Variants in PSD3 observed in about 807,000 individuals in gnomAD.
PSD3 encodes pleckstrin and Sec7 domain containing 3.
PSD3 carries 49 observed loss-of-function variants against 105.5 expected under a neutral mutation model. The ratio of observed to expected loss-of-function variants is 0.46; its 90% confidence interval spans 0.37 to 0.59. PSD3 has a LOEUF of 0.59. PSD3 is among the 20% of genes least tolerant of loss of function. PSD3 has a pLI of 0.00. For synonymous variants in PSD3, 557 were observed against 457.8 expected, an observed-to-expected ratio of 1.22 and a Z score of -2.77; for missense variants, 1,561 against 1,263.8, an observed-to-expected ratio of 1.24 and a Z score of -3.57.
intron 15 of PSD3, among the ~76,000 whole-genome samples, chr8:18,542,142 G>C (rs1800188999): frequency 6.6e-6 from 1 of 152,158 alleles, no homozygotes; most frequent in Admixed American, 6.5e-5. Context: ...GACCACTGTA[G>C]GTGGACTCCA....
At chr8:18,737,353 G>T (rs977844740) in intron 9 of PSD3, among the ~76,000 whole-genome samples, 2 of 152,162 alleles carry the variant, frequency 1.3e-5, no homozygotes, top group Admixed American at 6.5e-5. Flanking sequence ...GTGTGACGGG[G>T]TCTTACTCTG....
intron 1 of PSD3, among the ~76,000 whole-genome samples, chr8:18,982,167 A>C (rs1488023763): frequency 6.6e-6 from 1 of 152,190 alleles, no homozygotes; most frequent in Non-Finnish European, 1.5e-5. Context: ...CCATCTCAAG[A>C]AACCACTTTG....
intron 11 of PSD3, among the ~76,000 whole-genome samples, chr8:18,613,905 C>A (rs1307799602): frequency 6.6e-6 from 1 of 152,220 alleles, no homozygotes; most frequent in African/African-American, 2.4e-5. Flanking sequence ...GAACTATGGA[C>A]TTGTGCTAAG....
chr8:18,775,096 G>A (rs891978558), intron 8 of PSD3, among the ~76,000 whole-genome samples: 2 of 152,070 alleles, frequency 1.3e-5, no homozygotes, highest in African/African-American at 2.4e-5. Context: ...CCAAGTTTGA[G>A]AAAGAACATG....
At chr8:18,796,167 TCCC>T (rs35675493) in intron 8 of PSD3, among the ~76,000 whole-genome samples, 50,522 of 151,850 alleles carry the variant, frequency 0.33, 10,433 homozygotes, top group Non-Finnish European at 0.46. Flanking sequence ...TACTGAATTC[TCCC>T]CCCAAATATT....
chr8:18,529,943 A>AT lies in PSD3; in HGVS notation c.*5799dup, dbSNP rs1395435365. 1.3e-5 allele frequency: 2 copies of AT among 152,348 alleles called. No homozygotes were observed. Among genetic ancestry groups the AT allele is most frequent in the African/African-American group, 4.8e-5 (2 of 41,462 alleles). The allele number at this position is 152,348 out of a possible 1,614,324, so 9.4% of individuals were successfully genotyped here. A position where few individuals can be genotyped will look rare whatever the true frequency, so the allele number is the denominator to read the frequency against. On this transcript the variant is annotated 3_prime_UTR_variant, in exon 16 of 16. Transcript: ENST00000327040. Reference sequence around the variant, plus strand: ...TCAAGAACCAATTAGGAAAAATGATATATTTGCAAAAATAGTTTGAGACTA... The same window carrying AT: ...TCAAGAACCAATTAGGAAAAATGATATTATTTGCAAAAATAGTTTGAGACTA...
chr8:18,970,344 A>AAAAAAAAAAAAAAAAAAAG (rs1563474672), intron 1 of PSD3, among the ~76,000 whole-genome samples: 1 of 148,410 alleles, frequency 6.7e-6, no homozygotes, highest in African/African-American at 2.5e-5. Context: ...AAAAAAAAAA[A>AAAAAAAAAAAAAAAAAAAG]AAAACAAAGA....
chr8:18,834,384 A>G (rs1422281968), intron 4 of PSD3, among the ~76,000 whole-genome samples: 2 of 152,206 alleles, frequency 1.3e-5, no homozygotes, highest in Non-Finnish European at 2.9e-5. Context: ...CATAAGAGAA[A>G]GATTAATACA....
At chr8:18,714,727 C>T (rs910470333) in intron 9 of PSD3, among the ~76,000 whole-genome samples, 2 of 152,116 alleles carry the variant, frequency 1.3e-5, no homozygotes, top group African/African-American at 4.8e-5. Context: ...TGTGGCAATT[C>T]CTCAAAGACC....
intron 4 of PSD3, among the ~76,000 whole-genome samples, chr8:18,820,606 CAA>C (rs1391134348): frequency 6.6e-6 from 1 of 151,794 alleles, no homozygotes; most frequent in Non-Finnish European, 1.5e-5. Context: ...GGAATAATGA[CAA>C]GAAAAAAATA....
At chr8:18,782,768 A>C (rs187057098) in intron 8 of PSD3, among the ~76,000 whole-genome samples, 103 of 152,296 alleles carry the variant, frequency 6.8e-4, no homozygotes, top group African/African-American at 2.3e-3. Context: ...TTGGGGCCCC[A>C]AGCTACAGCT....
chr8:18,908,890 A>G (rs1280477301), intron 2 of PSD3, among the ~76,000 whole-genome samples: 2 of 152,224 alleles, frequency 1.3e-5, no homozygotes, highest in African/African-American at 2.4e-5. Context: ...ATGAGAATCA[A>G]AACTATACAA....
chr8:19,071,154 G>A (rs1185616524), intron 1 of PSD3, among the ~76,000 whole-genome samples: 1 of 151,866 alleles, frequency 6.6e-6, no homozygotes, highest in African/African-American at 2.4e-5. Context: ...CCGCCTCCTG[G>A]GTTCAAGTGA....
intron 1 of PSD3, among the ~76,000 whole-genome samples, chr8:18,987,437 G>A (rs962350133): frequency 8.6e-5 from 13 of 151,934 alleles, no homozygotes; most frequent in East Asian, 1.9e-4. Flanking sequence ...ACAGGCACCC[G>A]CCACCACGCC....
intron 6 of PSD3, chr8:18,803,287 CAAAAA>C (rs34996165): frequency 2.0e-5 from 1 of 50,726 alleles, no homozygotes; most frequent in South Asian, 1.3e-3. Flanking sequence ...ACTCTGTCTC[CAAAAA>C]AAAAAAAAAA....
rs530218748 is a variant in PSD3, at chr8:18,774,276, T to C, written c.2083-8738A>G. 3.9e-5 allele frequency among the ~76,000 whole-genome samples: 6 copies of C among 152,266 alleles called. No individual in the cohort carries two copies. In the South Asian group the frequency reaches 1.2e-3, roughly 32 times the overall value. On this transcript the variant is annotated intron_variant, in intron 8 of 15. Coordinates refer to ENST00000327040, the MANE Select transcript of PSD3 (RefSeq NM_015310.4). The stretch of plus-strand genomic sequence containing the variant: ...ATAATAGCTACATATATTTTTAGAG[T>C]ACATGTGATATCTTGATATATGTAT...
intron 8 of PSD3, among the ~76,000 whole-genome samples, chr8:18,795,302 G>A (rs13250313): frequency 0.17 from 25,984 of 152,026 alleles, 2,709 homozygotes; most frequent in East Asian, 0.35. Flanking sequence ...CAAGGGTAAA[G>A]TATATGTAGG....
At chr8:18,784,067 C>T (rs1226516122) in intron 8 of PSD3, among the ~76,000 whole-genome samples, 1 of 152,042 alleles carries the variant, frequency 6.6e-6, no homozygotes, top group Non-Finnish European at 1.5e-5. Flanking sequence ...TGTCCAGAAA[C>T]ATGTTTTGTA....
chr8:18,662,277 T>A (rs969275059), intron 9 of PSD3, among the ~76,000 whole-genome samples: 1 of 152,180 alleles, frequency 6.6e-6, no homozygotes, highest in Non-Finnish European at 1.5e-5. Context: ...TTCCAGAGGC[T>A]AGGGAGGCAT....
Sources: gnomAD v4.1 joint callset for allele counts (sites outside exome capture counted in the v4.1 genomes callset) on GRCh38, gnomAD v4.1.1 for gene constraint, MANE v1.5 for transcripts, NCBI Gene and HGNC (gene_info 2026-07-23, HGNC 2026-07-21) for gene names.